Variants in PTPRN2 observed in about 807,000 individuals in gnomAD.
PTPRN2 encodes protein tyrosine phosphatase receptor type N2, also known as receptor-type tyrosine-protein phosphatase N2.
PTPRN2 carries 74 observed loss-of-function variants against 118.8 expected under a neutral mutation model. The observed-to-expected ratio is 0.62, with a 90% confidence interval of 0.52 to 0.76. PTPRN2 has a LOEUF of 0.76. PTPRN2 is among the 30% of genes least tolerant of loss of function. The pLI is 0.00. For missense variants in PTPRN2, 1,481 were observed against 1,394.4 expected, an observed-to-expected ratio of 1.06 and a Z score of -0.99; for synonymous variants, 641 against 608.0, an observed-to-expected ratio of 1.05 and a Z score of -0.80.
At chr7:157,566,358 T>C (rs1278756377) in intron 21 of PTPRN2, among the ~76,000 whole-genome samples, 1 of 152,230 alleles carries the variant, frequency 6.6e-6, no homozygotes, top group African/African-American at 2.4e-5. Flanking sequence ...GGCCTCCAGC[T>C]TCTCAGGCCA....
At chr7:157,820,610 C>T (rs1806775126) in intron 12 of PTPRN2, among the ~76,000 whole-genome samples, 1 of 150,664 alleles carries the variant, frequency 6.6e-6, no homozygotes, top group Non-Finnish European at 1.5e-5. Flanking sequence ...CGCATTCTTA[C>T]ACATGCACAC....
chr7:158,419,341 T>C (rs1440085460), intron 2 of PTPRN2, among the ~76,000 whole-genome samples: 1 of 152,100 alleles, frequency 6.6e-6, no homozygotes, highest in Non-Finnish European at 1.5e-5. Flanking sequence ...TTTGCAAACA[T>C]TATATAAGCT....
intron 10 of PTPRN2, among the ~76,000 whole-genome samples, chr7:158,087,547 A>C (rs73748036): frequency 0.019 from 2,908 of 152,020 alleles, 96 homozygotes; most frequent in African/African-American, 0.066. Context: ...AATGCCAAAA[A>C]GGAATGCTGC....
Position 157,604,068 on chromosome 7 carries a change from G to C in PTPRN2, c.2352C>G (p.His784Gln). ...NRSLAVLTYDHSRVLLKAENS... is the reference protein window; with the variant it reads ...NRSLAVLTYDQSRVLLKAENS... ...TCTCCGCCTTCAGCAGGACCCGGGAGTGGTCATCTGCAAGGACACAGTGCA... is the reference window on the plus strand; with the variant it reads ...TCTCCGCCTTCAGCAGGACCCGGGACTGGTCATCTGCAAGGACACAGTGCA... The change falls in exon 16 of 23, where the codon CAC becomes CAG. Residue 784 changes from histidine to glutamine, a missense_variant. By Grantham distance (24) the His-to-Gln change is conservative. Around this residue, in one of 3 missense-constraint regions of PTPRN2, gnomAD observed 362 missense variants for 384.1 expected, o/e 0.94. Transcript: ENST00000389418. 1.9e-6 allele frequency: 3 copies of C among 1,613,730 alleles called. No homozygotes were observed. The highest frequency in any genetic ancestry group is 2.5e-6 in the Non-Finnish European group (3 of 1,179,976).
chr7:157,636,936 G>T (rs1367769395), intron 14 of PTPRN2, among the ~76,000 whole-genome samples: 1 of 152,160 alleles, frequency 6.6e-6, no homozygotes, highest in African/African-American at 2.4e-5. Flanking sequence ...TATCTTCTAA[G>T]CCTTTGATGA....
rs147856846 is a variant in PTPRN2, at chr7:158,090,104, T to G, written c.1644-8727A>C. ...AAAGAGGGGGTCTTCACACACATCC[T>G]TCTTCCCCTGACAAAAGAGGGAGTC... On this transcript the variant is annotated intron_variant, in intron 10 of 22. Coordinates refer to ENST00000389418, the MANE Select transcript of PTPRN2 (RefSeq NM_002847.5). 2.1e-3 allele frequency among the ~76,000 whole-genome samples: 83 copies of G among 39,820 alleles called. 26 individuals carry two copies. The highest frequency in any genetic ancestry group is 5.3e-3 in the African/African-American group (79 of 14,818). The allele number at this position is 39,820 out of a possible 152,430, so 26.1% of individuals were successfully genotyped here. A position where few individuals can be genotyped will look rare whatever the true frequency, so the allele number is the denominator to read the frequency against.
intron 11 of PTPRN2, among the ~76,000 whole-genome samples, chr7:158,017,202 G>A (rs1214835194): frequency 6.6e-6 from 1 of 152,248 alleles, no homozygotes; most frequent in Admixed American, 6.5e-5. Context: ...GCTGACAAGA[G>A]TGGCTCAAAA....
chr7:157,991,360 A>C (rs540527783), intron 11 of PTPRN2, among the ~76,000 whole-genome samples: 1 of 152,362 alleles, frequency 6.6e-6, no homozygotes, highest in South Asian at 2.1e-4. Context: ...AACCAGGAAC[A>C]GATTCTCTTT....
intron 1 of PTPRN2, among the ~76,000 whole-genome samples, chr7:158,550,063 G>A (rs905226760): frequency 1.3e-5 from 2 of 152,144 alleles, no homozygotes; most frequent in African/African-American, 2.4e-5. Flanking sequence ...GCTTTCACAC[G>A]AGAGCACACA....
chr7:158,007,840 GGT>G (rs1179559876), intron 11 of PTPRN2, among the ~76,000 whole-genome samples: 3 of 148,298 alleles, frequency 2.0e-5, no homozygotes, highest in East Asian at 2.0e-4. Context: ...GGGGTGTGTG[GGT>G]GTGTGTGTGC....
At chr7:158,422,036 A>G (rs560093177) in intron 2 of PTPRN2, among the ~76,000 whole-genome samples, 162 of 152,360 alleles carry the variant, frequency 1.1e-3, no homozygotes, top group African/African-American at 3.7e-3. Flanking sequence ...CAAGTTCTGC[A>G]TTAATAATCG....
chr7:157,658,597 C>T (rs1795714510), intron 13 of PTPRN2, among the ~76,000 whole-genome samples: 2 of 152,212 alleles, frequency 1.3e-5, no homozygotes, highest in African/African-American at 2.4e-5. Context: ...GCTCAGAACA[C>T]GCCGGGACCC....
intron 2 of PTPRN2, among the ~76,000 whole-genome samples, chr7:158,341,835 C>A (rs1806886088): frequency 1.0e-5 from 1 of 96,530 alleles, no homozygotes; most frequent in Non-Finnish European, 2.0e-5. Context: ...AGACGTCACT[C>A]ACACCCACAC....
chr7:157,558,173 C>T (rs892336487), intron 21 of PTPRN2, among the ~76,000 whole-genome samples: 6 of 151,928 alleles, frequency 3.9e-5, no homozygotes, highest in African/African-American at 4.8e-5. Context: ...CACATTGGTG[C>T]GACGCGGTGC....
intron 2 of PTPRN2, among the ~76,000 whole-genome samples, chr7:158,407,705 A>G (rs28502325): frequency 0.96 from 78,145 of 81,696 alleles, 37,605 homozygotes; most frequent in East Asian, 0.99. Flanking sequence ...TGCGTCCTGC[A>G]TCCTGCGTCC....
intron 2 of PTPRN2, among the ~76,000 whole-genome samples, chr7:158,441,322 AGGTGAT>A (rs1563297009): frequency 1.1e-5 from 1 of 87,656 alleles, no homozygotes; most frequent in Admixed American, 1.1e-4. Flanking sequence ...ATGGCAATGA[AGGTGAT>A]GGTGATGGTG....
chr7:158,490,293 G>A (rs1190951265), intron 1 of PTPRN2, among the ~76,000 whole-genome samples: 1 of 152,254 alleles, frequency 6.6e-6, no homozygotes, highest in Non-Finnish European at 1.5e-5. Context: ...AAGAGACGCA[G>A]GAGAGGGTCG....
chr7:158,053,735 C>A (rs1214315287), intron 11 of PTPRN2, among the ~76,000 whole-genome samples: 2 of 150,456 alleles, frequency 1.3e-5, no homozygotes, highest in Non-Finnish European at 2.9e-5. Flanking sequence ...GATGCAGAGA[C>A]CCTAGAGATG....
chr7:158,192,629 C>A (rs1311478249), intron 4 of PTPRN2, 134 bp from the exon 5 acceptor site: 2 of 1,019,906 alleles, frequency 2.0e-6, no homozygotes, highest in African/African-American at 3.4e-5. Flanking sequence ...CCTTGCTGCT[C>A]CATGACCATG....
Sources: gnomAD v4.1 joint callset for allele counts (sites outside exome capture counted in the v4.1 genomes callset) on GRCh38, gnomAD v4.1.1 for gene constraint, gnomAD v4.1.1 regional missense constraint, MANE v1.5 for transcripts, NCBI Gene and HGNC (gene_info 2026-07-23, HGNC 2026-07-21) for gene names.